USP28: variants seen among roughly 807,000 people sequenced by gnomAD.
USP28 encodes the protein ubiquitin carboxyl-terminal hydrolase 28.
In USP28, 113 loss-of-function variants were observed where a neutral mutation model predicts 145.0. That is an observed-to-expected ratio of 0.78 (90% CI 0.67 to 0.91). The LOEUF (loss-of-function observed/expected upper bound fraction) is 0.91, where lower values mean the gene tolerates loss of function less well. USP28 is among the 40% of genes least tolerant of loss of function. The pLI, the probability that USP28 is intolerant of heterozygous loss-of-function variation, is 0.00. For missense variants in USP28, 1,201 were observed against 1,289.6 expected (o/e 0.93, Z 1.05); for synonymous variants, 447 against 450.9 (o/e 0.99, Z 0.11).
In USP28 at chr11:113,840,282, C is replaced by T. The variant is rs1437427740; in HGVS notation, c.534+316G>A. Among the ~76,000 whole-genome samples, 5 of 152,284 alleles carry T rather than the reference C, an allele frequency of 3.3e-5. No individual in the cohort carries two copies. In the East Asian group the frequency reaches 5.8e-4, roughly 18 times the overall value. The stretch of plus-strand genomic sequence containing the variant: ...GCCACTTCTCTACTCCAGGCCACCA[C>T]TGTCGCCTACCTGGATAGCTATGAT... On this transcript the variant is annotated intron_variant, in intron 5 of 24. Transcript: ENST00000003302.
chr11:113,829,444 C>T, intron 9 of USP28, 99 bp from the exon 10 acceptor site: 2 of 1,452,426 alleles, frequency 1.4e-6, no homozygotes, highest in South Asian at 1.3e-5. Flanking sequence ...TCAGCAACTT[C>T]CTGATAGCTG....
chr11:113,852,407 AG>A, intron 3 of USP28, 93 bp downstream of exon 3: 3 of 1,468,656 alleles, frequency 2.0e-6, no homozygotes, highest in Non-Finnish European at 2.8e-6. Flanking sequence ...TTATTTTCAA[AG>A]GGCTGATGTG....
chr11:113,862,862 A>G (rs1244815285), intron 1 of USP28, among the ~76,000 whole-genome samples: 1 of 152,186 alleles, frequency 6.6e-6, no homozygotes, highest in African/African-American at 2.4e-5. Context: ...AACAATCAGA[A>G]AACTAGGAAT....
At position 113,809,044 on chromosome 11, in the gene USP28, T is replaced by A. The variant is rs1434308359; in HGVS notation, c.2164+19A>T. The A allele has an allele frequency of 6.2e-7, 1 of 1,607,484 alleles. No homozygotes were observed. The highest frequency in any genetic ancestry group is 8.5e-7 in the Non-Finnish European group (1 of 1,176,774). Reference sequence around the variant, plus strand: ...ATGAGATGTTACTGGATCACTGGCATAAATGCCTTCTCAGATACCTTGTGA... The same window carrying A: ...ATGAGATGTTACTGGATCACTGGCAAAAATGCCTTCTCAGATACCTTGTGA... On this transcript the variant is annotated intron_variant, in intron 17 of 24. Coordinates refer to ENST00000003302, the Ensembl canonical transcript of USP28.
chr11:113,823,042 C>T (rs148266203), intron 12 of USP28, among the ~76,000 whole-genome samples: 7 of 152,040 alleles, frequency 4.6e-5, no homozygotes, highest in East Asian at 1.9e-4. Context: ...TCTATCTAGA[C>T]GAGAAAGAAA....
At chr11:113,815,123 T>A in intron 14 of USP28, 51 bp downstream of exon 14, 1 of 1,551,532 alleles carries the variant, frequency 6.4e-7, no homozygotes, top group Non-Finnish European at 8.9e-7. Flanking sequence ...CTCCAAATAG[T>A]CAAAAAACAG....
chr11:113,801,443 A>G (rs1264502917), intron 24 of USP28, 40 bp downstream of exon 25: 1 of 1,470,466 alleles, frequency 6.8e-7, no homozygotes. Flanking sequence ...AATTTCTACA[A>G]TTCTCAAAAC....
intron 1 of USP28, among the ~76,000 whole-genome samples, chr11:113,866,406 G>C (rs1449420665): frequency 6.6e-6 from 1 of 152,032 alleles, no homozygotes; most frequent in Non-Finnish European, 1.5e-5. Flanking sequence ...GCATCTGGAT[G>C]ATATAAAAAA....
At chr11:113,872,178 A>G (rs1043645798) in intron 1 of USP28, among the ~76,000 whole-genome samples, 1 of 152,212 alleles carries the variant, frequency 6.6e-6, no homozygotes, top group Non-Finnish European at 1.5e-5. Flanking sequence ...TCTTTGATGA[A>G]ACAGAACACA....
intron 12 of USP28, chr11:113,821,219 A>T: frequency 4.5e-6 from 1 of 223,012 alleles, no homozygotes; most frequent in Non-Finnish European, 1.0e-5. Flanking sequence ...GCTTCTGGAC[A>T]CCACTCCACC....
At chr11:113,807,505 C>T (rs765518621) in intron 18 of USP28, among the ~76,000 whole-genome samples, 1 of 152,112 alleles carries the variant, frequency 6.6e-6, no homozygotes, top group South Asian at 2.1e-4. Flanking sequence ...GGTTCTATAG[C>T]TTCTTCCTAT....
chr11:113,868,920 T>C (rs1948552870), intron 1 of USP28, among the ~76,000 whole-genome samples: 1 of 143,840 alleles, frequency 7.0e-6, no homozygotes, highest in Non-Finnish European at 1.5e-5. Context: ...AGTAAGACCA[T>C]GTCTCAAAAA....
Position 113,815,408 on chromosome 11 carries a change from T to C in USP28, c.1464-26A>G, listed in dbSNP as rs1293047625. ...CTGAGGAAGACAAAAATCATGCTCATATGATAATTTCCAAAAGATACCTTG... is the reference window on the plus strand; with the variant it reads ...CTGAGGAAGACAAAAATCATGCTCACATGATAATTTCCAAAAGATACCTTG... On this transcript the variant is annotated intron_variant, in intron 13 of 24. Transcript: ENST00000003302. 4 of 1,598,232 alleles carry C rather than the reference T, an allele frequency of 2.5e-6. No homozygotes were observed. The East Asian group carries it at 6.7e-5, about 27-fold the overall frequency.
chr11:113,864,500 A>C (rs1443755187), intron 1 of USP28, among the ~76,000 whole-genome samples: 1 of 152,178 alleles, frequency 6.6e-6, no homozygotes, highest in African/African-American at 2.4e-5. Context: ...TATGAGACCC[A>C]AGAACCAGGA....
intron 1 of USP28, chr11:113,874,981 A>T: frequency 1.1e-6 from 1 of 930,024 alleles, no homozygotes; most frequent in Middle Eastern, 5.5e-4. Context: ...CTGGTCTTAT[A>T]GAAGACGGTG....
rs1166365353 is a variant in USP28 at position 113,809,071 on chromosome 11, G to T, written c.2156C>A (p.Thr719Lys). 6 of 1,613,694 alleles carry T rather than the reference G, an allele frequency of 3.7e-6. No individual in the cohort carries two copies. The African/African-American group carries it at 6.7e-5, about 18-fold the overall frequency. ...AATGCCTTCTCAGATACCTTGTGAT[G>T]TAGAGTAGTCCTGTGATGAGGAGTT... Residue 719 changes from threonine (T) to lysine (K), a missense_variant, in exon 17 of 25, where the codon ACA becomes AAA. Physicochemically the swap from Thr to Lys is moderately conservative, Grantham distance 78. Transcript: ENST00000003302.
intron 12 of USP28, among the ~76,000 whole-genome samples, chr11:113,819,057 A>G (rs921129575): frequency 1.3e-5 from 2 of 152,028 alleles, no homozygotes; most frequent in Admixed American, 6.5e-5. Flanking sequence ...AAGAAATTCA[A>G]TTTTCAAAAA....
chr11:113,867,823 AAGGG>A (rs796915073), intron 1 of USP28, among the ~76,000 whole-genome samples: 41 of 127,828 alleles, frequency 3.2e-4, no homozygotes, highest in African/African-American at 1.2e-3. Flanking sequence ...GGGAGGGAGG[AAGGG>A]AGGGAGGAAG....
Position 113,855,977 on chromosome 11 carries a change from G to A in USP28, c.58-1642C>T, listed in dbSNP as rs192583988. ...GTCGTTCTGCTGTAGTCAGACTATA[G>A]TCATAGGCTACAAATGGAATCCTAC... is the stretch of plus-strand genomic sequence containing the variant. On this transcript the variant is annotated intron_variant, in intron 1 of 24. Coordinates refer to ENST00000003302, the Ensembl canonical transcript of USP28. 5.0e-3 allele frequency among the ~76,000 whole-genome samples: 760 copies of A among 152,250 alleles called. 7 individuals are homozygous for A. The highest frequency in any genetic ancestry group is 7.4e-3 in the Non-Finnish European group (506 of 68,016).
Sources: allele counts gnomAD v4.1 joint callset (sites outside exome capture counted in the v4.1 genomes callset), GRCh38; gene constraint gnomAD v4.1.1; transcripts MANE v1.5; gene names NCBI Gene and HGNC (gene_info 2026-07-23, HGNC 2026-07-21).